The following CUX2 variants were observed in gnomAD, a reference collection of about 807,000 sequenced individuals.
CUX2 encodes the protein cut like homeobox 2.
CUX2 carries 40 observed loss-of-function variants against 144.8 expected under a neutral mutation model. The observed-to-expected ratio is 0.28, with a 90% CI of 0.21 to 0.36. The LOEUF is 0.36. CUX2 is among the 10% of genes least tolerant of loss of function. CUX2 has a pLI of 1.00. For synonymous variants in CUX2, 827 were observed against 875.6 expected (o/e 0.94, Z 0.98); for missense variants, 1,615 against 1,994.0 (o/e 0.81, Z 3.62).
intron 1 of CUX2, among the ~76,000 whole-genome samples, chr12:111,191,748 G>C (rs751192915): frequency 6.6e-6 from 1 of 152,188 alleles, no homozygotes; most frequent in Non-Finnish European, 1.5e-5. Context: ...TGGACCTGCT[G>C]TTCCTCTTGC....
chr12:111,325,174 G>C (rs1197501951), intron 18 of CUX2, among the ~76,000 whole-genome samples: 2 of 151,676 alleles, frequency 1.3e-5, no homozygotes, highest in Non-Finnish European at 2.9e-5. Context: ...GGCGCCTGTA[G>C]TCCCAGCTAC....
In CUX2 at chr12:111,251,003, A is replaced by G. The variant is rs186343250; in HGVS notation, c.223-12758A>G. Among the ~76,000 whole-genome samples the G allele has an allele frequency of 1.8e-4, 27 of 152,266 alleles. No homozygotes were observed. The East Asian group carries it at 5.2e-3, about 29-fold the overall frequency. On this transcript the variant is annotated intron_variant, in intron 3 of 21. Coordinates refer to ENST00000261726, the MANE Select transcript of CUX2 (RefSeq NM_015267.4). Reference sequence around the variant, plus strand: ...CTTTCGGCTCATTATATGAGCGTATAGTGTATTTTTTTTAATACCCAAAAG... The same window carrying G: ...CTTTCGGCTCATTATATGAGCGTATGGTGTATTTTTTTTAATACCCAAAAG...
chr12:111,201,407 T>A (rs546728660), intron 1 of CUX2, among the ~76,000 whole-genome samples: 2 of 152,272 alleles, frequency 1.3e-5, no homozygotes, highest in African/African-American at 4.8e-5. Flanking sequence ...CCCACGAGGC[T>A]GTAAGATACA....
intron 1 of CUX2, among the ~76,000 whole-genome samples, chr12:111,187,331 C>T (rs114577915): frequency 2.4e-4 from 36 of 152,278 alleles, no homozygotes; most frequent in African/African-American, 7.7e-4. Context: ...CCCCTCATAA[C>T]GGACTCTTGC....
intron 4 of CUX2, among the ~76,000 whole-genome samples, chr12:111,283,279 G>A (rs2136318164): frequency 6.6e-6 from 1 of 152,126 alleles, no homozygotes; most frequent in African/African-American, 2.4e-5. Context: ...CCTTCAGGAT[G>A]TGGGTCTGCA....
intron 3 of CUX2, among the ~76,000 whole-genome samples, chr12:111,230,531 A>T (rs1286482285): frequency 6.6e-6 from 1 of 152,230 alleles, no homozygotes; most frequent in Non-Finnish European, 1.5e-5. Context: ...TCGACCTCAG[A>T]GCCCACTGGC....
chr12:111,227,376 C>A (rs1040955129), intron 3 of CUX2, among the ~76,000 whole-genome samples: 3 of 152,144 alleles, frequency 2.0e-5, no homozygotes, highest in African/African-American at 7.2e-5. Flanking sequence ...TTGCCAGGTT[C>A]TTCAGTGAAC....
At chr12:111,038,479 A>G (rs1011396534) in intron 1 of CUX2, among the ~76,000 whole-genome samples, 4 of 152,236 alleles carry the variant, frequency 2.6e-5, no homozygotes, top group Admixed American at 2.6e-4. Context: ...TTAGGTGAAG[A>G]CAGCTCTGAG....
chr12:111,291,325 G>A (rs1393926401), intron 4 of CUX2, 93 bp from the exon 5 acceptor site: 5 of 1,441,470 alleles, frequency 3.5e-6, no homozygotes, highest in Non-Finnish European at 2.8e-6. Flanking sequence ...TGACTCCGAT[G>A]GCTCCTGTGG....
At chr12:111,075,731 A>C (rs1013027568) in intron 1 of CUX2, among the ~76,000 whole-genome samples, 1 of 152,216 alleles carries the variant, frequency 6.6e-6, no homozygotes, top group Non-Finnish European at 1.5e-5. Flanking sequence ...GATGGAGCTT[A>C]TAAGTCTCAT....
intron 1 of CUX2, among the ~76,000 whole-genome samples, chr12:111,157,626 A>C (rs1359686656): frequency 6.6e-6 from 1 of 152,234 alleles, no homozygotes; most frequent in Non-Finnish European, 1.5e-5. Flanking sequence ...TGAAAAGTCC[A>C]GTTGACCAAA....
intron 1 of CUX2, among the ~76,000 whole-genome samples, chr12:111,166,310 C>T (rs954364313): frequency 2.0e-5 from 3 of 152,234 alleles, no homozygotes; most frequent in Non-Finnish European, 4.4e-5. Flanking sequence ...GCGTGAGCCA[C>T]TACGCCCAGC....
intron 19 of CUX2, among the ~76,000 whole-genome samples, chr12:111,336,862 G>A (rs188598861): frequency 6.1e-4 from 92 of 151,074 alleles, no homozygotes; most frequent in East Asian, 4.9e-3. Flanking sequence ...CAAATATTGC[G>A]TTGCAACTTG....
intron 1 of CUX2, among the ~76,000 whole-genome samples, chr12:111,128,327 C>T (rs115321802): frequency 0.011 from 1,688 of 152,276 alleles, 25 homozygotes; most frequent in African/African-American, 0.038. Flanking sequence ...GTCTGCTTGC[C>T]AGTGGTGCCT....
In CUX2 at chr12:111,310,169, C is replaced by T; in HGVS notation, c.1387C>T (p.Leu463=). 6.4e-7 allele frequency: 1 copy of T among 1,555,140 alleles called. No individual in the cohort carries two copies. The highest frequency in any genetic ancestry group is 8.7e-7 in the Non-Finnish European group (1 of 1,152,438). Reference sequence around the variant, plus strand: ...CCTGTCTCCCAGCCCCGGGCAGCCCCTGCTGGGCCCCAGCTTGGGGCCTGA... The same window carrying T: ...CCTGTCTCCCAGCCCCGGGCAGCCCTTGCTGGGCCCCAGCTTGGGGCCTGA... ...DPLSPSPGQP[L]LGPSLGPDGT... Residue 463 remains leucine (L), a synonymous_variant, in exon 15 of 22, where the codon CTG becomes TTG. Transcript: ENST00000261726. The surrounding 1 kb of genome is among the most constrained non-coding windows in gnomAD (Gnocchi z 7.9).
chr12:111,277,172 G>A lies in CUX2; in HGVS notation c.301+13333G>A, dbSNP rs1279892308. On this transcript the variant is annotated intron_variant, in intron 4 of 21. Transcript: ENST00000261726. The surrounding 1 kb of genome is among the most constrained non-coding windows in gnomAD (Gnocchi z 5.0). ...GATGAAGCCCAGAAACTCACATATG[G>A]AGGGCCGCAGCCCACTCTGAACCCA... Among the ~76,000 whole-genome samples the A allele has an allele frequency of 6.6e-6, 1 of 152,098 alleles. No homozygotes were observed. The highest frequency in any genetic ancestry group is 1.9e-4 in the East Asian group (1 of 5,182).
intron 1 of CUX2, among the ~76,000 whole-genome samples, chr12:111,145,129 G>A (rs1876585686): frequency 6.6e-6 from 1 of 152,202 alleles, no homozygotes; most frequent in Admixed American, 6.5e-5. Flanking sequence ...CTTTCCTCGA[G>A]CTGTCAGGGC....
In CUX2 at chr12:111,293,892, A is replaced by G. The variant is rs1187945323; in HGVS notation, c.560+323A>G. Among the ~76,000 whole-genome samples the G allele has an allele frequency of 1.3e-5, 2 of 152,252 alleles. No individual in the cohort carries two copies. Among genetic ancestry groups the G allele is most frequent in the Non-Finnish European group, 1.5e-5 (1 of 68,042 alleles). On this transcript the variant is annotated intron_variant, in intron 6 of 21. Transcript: ENST00000261726. This position sits in a 1 kb window ranked among gnomAD's most constrained non-coding sequence, Gnocchi z 4.5. ...GTAGGATTTTTTAAATGATTAAGAC[A>G]TGTATTCCTAGGACTTAGCTTATGC...
In CUX2 at chr12:111,348,990, T is replaced by A. The variant is rs373875175; in HGVS notation, c.*665T>A. 59 of 152,796 alleles carry A rather than the reference T, an allele frequency of 3.9e-4. 1 individual carries two copies. Among genetic ancestry groups the A allele is most frequent in the African/African-American group, 1.4e-3 (57 of 41,584 alleles). The allele number at this position is 152,796 out of a possible 1,614,324, so 9.5% of individuals were successfully genotyped here. ...AAAAACCTCGACGCCGTTGAGGATGTGTTTCATTCTGGTGGTCTGTTTTGC... is the reference window on the plus strand; with the variant it reads ...AAAAACCTCGACGCCGTTGAGGATGAGTTTCATTCTGGTGGTCTGTTTTGC... On this transcript the variant is annotated 3_prime_UTR_variant, in exon 22 of 22. Transcript: ENST00000261726.
Sources: allele counts gnomAD v4.1 joint callset (sites outside exome capture counted in the v4.1 genomes callset), GRCh38; gene constraint gnomAD v4.1.1; non-coding constraint Gnocchi (gnomAD v3.1); transcripts MANE v1.5; gene names NCBI Gene and HGNC (gene_info 2026-07-23, HGNC 2026-07-21).